The following KIF13A variants were observed in gnomAD, a reference collection of about 807,000 sequenced individuals.
KIF13A encodes kinesin family member 13A.
KIF13A carries 79 observed loss-of-function variants against 212.2 expected under a neutral mutation model. That is an observed-to-expected ratio of 0.37 (90% CI 0.31 to 0.45). KIF13A has a LOEUF of 0.45. KIF13A is among the 20% of genes least tolerant of loss of function. The pLI, the probability that KIF13A is intolerant of heterozygous loss-of-function variation, is 1.00. For missense variants in KIF13A, 1,901 were observed against 2,209.0 expected, an observed-to-expected ratio of 0.86 and a Z score of 2.79; for synonymous variants, 789 against 808.6, an observed-to-expected ratio of 0.98 and a Z score of 0.41.
At chr6:17,845,267 T>G (rs112013647) in intron 9 of KIF13A, among the ~76,000 whole-genome samples, 1 of 152,094 alleles carries the variant, frequency 6.6e-6, no homozygotes, top group African/African-American at 2.4e-5. Context: ...GTGGTAATTA[T>G]GGAAGCTACA....
intron 2 of KIF13A, among the ~76,000 whole-genome samples, chr6:17,975,503 G>A (rs12199034): frequency 0.23 from 35,230 of 151,968 alleles, 4,843 homozygotes; most frequent in African/African-American, 0.39. Flanking sequence ...GACAATGTAG[G>A]CCCAAAAAGG....
chr6:17,809,701 A>G lies in KIF13A; in HGVS notation c.2001-771T>C, dbSNP rs1763267145. On this transcript the variant is annotated intron_variant, in intron 17 of 38. Coordinates refer to ENST00000259711, the MANE Select transcript of KIF13A (RefSeq NM_022113.6). The surrounding 1 kb of genome is among the most constrained non-coding windows in gnomAD (Gnocchi z 4.7). ...AAAAGACCCACTGAATAAAGAAAAG[A>G]GTGCTTCTGGATTTCACATTTGAAT... is the stretch of plus-strand genomic sequence containing the variant. Among the ~76,000 whole-genome samples, 1 of 152,166 alleles carries G rather than the reference A, an allele frequency of 6.6e-6. No homozygotes were observed. The highest frequency in any genetic ancestry group is 1.5e-5 in the Non-Finnish European group (1 of 68,026).
At chr6:17,966,150 T>C (rs1400831204) in intron 2 of KIF13A, among the ~76,000 whole-genome samples, 2 of 152,158 alleles carry the variant, frequency 1.3e-5, no homozygotes, top group Non-Finnish European at 2.9e-5. Context: ...GCGAAGATTG[T>C]GTCACTGCAC....
chr6:17,983,678 G>A (rs1231376767), intron 2 of KIF13A, among the ~76,000 whole-genome samples: 1 of 152,034 alleles, frequency 6.6e-6, no homozygotes, highest in East Asian at 1.9e-4. Context: ...AGGAGAGACA[G>A]GGTTTCATCG....
chr6:17,856,514 C>A lies in KIF13A; in HGVS notation c.221-392G>T, dbSNP rs2150407447. On this transcript the variant is annotated intron_variant, in intron 4 of 38. Transcript: ENST00000259711. The surrounding 1 kb of genome is among the most constrained non-coding windows in gnomAD (Gnocchi z 4.5). ...ACTGAACAAGACCATGTTATACACA[C>A]CTTGGTATCTCCCTCAGCACCTAGC... Among the ~76,000 whole-genome samples the A allele has an allele frequency of 6.6e-6, 1 of 152,340 alleles. No individual in the cohort carries two copies. The highest frequency in any genetic ancestry group is 2.4e-5 in the African/African-American group (1 of 41,576).
chr6:17,854,584 C>T (rs1342816264), intron 6 of KIF13A, among the ~76,000 whole-genome samples: 1 of 101,306 alleles, frequency 9.9e-6, no homozygotes, highest in Non-Finnish European at 1.8e-5. Context: ...GAGCTGGAGT[C>T]TCCCTCTGTT....
chr6:17,858,079 T>TTA (rs1554185567), intron 4 of KIF13A, among the ~76,000 whole-genome samples: 2 of 112,378 alleles, frequency 1.8e-5, no homozygotes, highest in Non-Finnish European at 3.7e-5. Flanking sequence ...TGTCAAATAG[T>TTA]TATGTGTGTG....
intron 2 of KIF13A, among the ~76,000 whole-genome samples, chr6:17,930,435 C>T (rs1332284366): frequency 6.6e-6 from 1 of 152,148 alleles, no homozygotes; most frequent in African/African-American, 2.4e-5. Context: ...TGCATTTCCA[C>T]AGAGACAGTA....
At chr6:17,943,324 T>C (rs1310557212) in intron 2 of KIF13A, among the ~76,000 whole-genome samples, 1 of 152,118 alleles carries the variant, frequency 6.6e-6, no homozygotes, top group Non-Finnish European at 1.5e-5. Context: ...TTTAATTCGA[T>C]GGCAGTATTT....
chr6:17,953,412 C>A (rs1053979265), intron 2 of KIF13A, among the ~76,000 whole-genome samples: 1 of 151,810 alleles, frequency 6.6e-6, no homozygotes, highest in Admixed American at 6.6e-5. Context: ...CTCTCTTAAC[C>A]AGGAAGAAAA....
intron 2 of KIF13A, chr6:17,953,788 CAGGA>C (rs1778093438): frequency 5.4e-6 from 1 of 184,544 alleles, no homozygotes; most frequent in African/African-American, 2.3e-5. Flanking sequence ...CTGATGACGA[CAGGA>C]GACTAGGGGA....
intron 2 of KIF13A, among the ~76,000 whole-genome samples, chr6:17,980,385 G>A (rs945685742): frequency 3.3e-5 from 5 of 152,156 alleles, no homozygotes; most frequent in African/African-American, 1.2e-4. Context: ...AGGAAACCAA[G>A]AAGAAGGGAA....
downstream of KIF13A, chr6:17,760,788 G>C: frequency 1.3e-5 from 20 of 1,512,298 alleles, no homozygotes; most frequent in Admixed American, 1.7e-5. Flanking sequence ...GATGGGGCTG[G>C]TGCTTGCCCA....
At chr6:17,807,802 G>A (rs1199896800) in intron 18 of KIF13A, among the ~76,000 whole-genome samples, 2 of 152,086 alleles carry the variant, frequency 1.3e-5, no homozygotes, top group Admixed American at 1.3e-4. Context: ...TGTCACCCCC[G>A]GCGGCCCAGC....
At chr6:17,937,739 C>CTTTTTTTTTTTTTT (rs1487188222) in intron 2 of KIF13A, among the ~76,000 whole-genome samples, 4 of 128,428 alleles carry the variant, frequency 3.1e-5, no homozygotes, top group Non-Finnish European at 5.1e-5. Flanking sequence ...AATTTCTTTC[C>CTTTTTTTTTTTTTT]TTTTTTGTTT....
At chr6:17,864,481 C>T (rs180936179) in intron 4 of KIF13A, among the ~76,000 whole-genome samples, 10 of 152,056 alleles carry the variant, frequency 6.6e-5, no homozygotes, top group Admixed American at 1.3e-4. Flanking sequence ...GAGTCACATA[C>T]GATATGAATC....
In KIF13A at chr6:17,951,328, GC is replaced by G. The variant is rs1561795942; in HGVS notation, c.146+35725del. ...AAATTTTTTGTAGAGATGGGGTTTT[GC>G]CATGTTGCAAAGGCTGGTCTTGAAA... On this transcript the variant is annotated intron_variant, in intron 2 of 38. Coordinates refer to ENST00000259711, the MANE Select transcript of KIF13A (RefSeq NM_022113.6). The surrounding 1 kb of genome is among the most constrained non-coding windows in gnomAD (Gnocchi z 4.9). 1.6e-6 allele frequency: 1 copy of G among 627,728 alleles called. No individual in the cohort carries two copies. Among genetic ancestry groups the G allele is most frequent in the South Asian group, 1.8e-5 (1 of 56,250 alleles). The allele number at this position is 627,728 out of a possible 1,614,324, so 38.9% of individuals were successfully genotyped here. A position where few individuals can be genotyped will look rare whatever the true frequency, so the allele number is the denominator to read the frequency against.
chr6:17,811,531 C>T lies in KIF13A; in HGVS notation c.2001-2601G>A, dbSNP rs1367774906. Among the ~76,000 whole-genome samples, 3 of 152,150 alleles carry T rather than the reference C, an allele frequency of 2.0e-5. No homozygotes were observed. Among genetic ancestry groups the T allele is most frequent in the African/African-American group, 7.2e-5 (3 of 41,442 alleles). ...TGTTTCATACTACATTCTAAGTGTA[C>T]AAAGAGAATAAACGACATCTGTGGC... is the stretch of plus-strand genomic sequence containing the variant. On this transcript the variant is annotated intron_variant, in intron 17 of 38. Transcript: ENST00000259711. The surrounding 1 kb of genome is among the most constrained non-coding windows in gnomAD (Gnocchi z 6.0).
intron 2 of KIF13A, among the ~76,000 whole-genome samples, chr6:17,942,195 G>C (rs1343104440): frequency 1.3e-5 from 2 of 151,904 alleles, no homozygotes; most frequent in Non-Finnish European, 2.9e-5. Context: ...CCAGCTACTC[G>C]GGAGGCTGAG....
Sources: allele counts gnomAD v4.1 joint callset (sites outside exome capture counted in the v4.1 genomes callset), GRCh38; gene constraint gnomAD v4.1.1; non-coding constraint Gnocchi (gnomAD v3.1); transcripts MANE v1.5; gene names NCBI Gene and HGNC (gene_info 2026-07-23, HGNC 2026-07-21).